The following ZNF417 variants were observed in gnomAD, a reference collection of about 807,000 sequenced individuals.
The protein encoded by ZNF417 is zinc finger protein 417.
Under a neutral mutation model 7.4 loss-of-function variants are expected in ZNF417, and 5 were observed. The observed-to-expected ratio is 0.68, with a 90% CI of 0.35 to 1.43. The LOEUF is 1.43. Ranked by LOEUF, ZNF417 falls within the 40% of genes most tolerant of loss-of-function variation. ZNF417 has a pLI of 0.04. For synonymous variants in ZNF417, 147 were observed against 239.1 expected, an observed-to-expected ratio of 0.61 and a Z score of 3.55; for missense variants, 437 against 697.3, an observed-to-expected ratio of 0.63 and a Z score of 4.20.
At position 57,912,146 on chromosome 19, in the gene ZNF417, T is replaced by C. The variant is rs373903699; in HGVS notation, c.77A>G (p.Gln26Arg). 1.2e-6 allele frequency: 2 copies of C among 1,612,428 alleles called. No individual in the cohort carries two copies. Among genetic ancestry groups the C allele is most frequent in the Non-Finnish European group, 1.7e-6 (2 of 1,179,498 alleles). Residue 26 changes from glutamine (Q) to arginine (R), a missense_variant, in exon 2 of 3, where the codon CAG (glutamine) becomes CGG (arginine). Coordinates refer to ENST00000312026, the MANE Select transcript of ZNF417 (RefSeq NM_152475.3). ...TFEDVAVNFS[Q>R]EEWCLLSEAQ... ...CTCACTAAGAAGACACCACTCCTCCTGGGAAAAGTTCACAGCCACATCTTC... is the reference window on the plus strand; with the variant it reads ...CTCACTAAGAAGACACCACTCCTCCCGGGAAAAGTTCACAGCCACATCTTC...
rs1051438526 is a variant in ZNF417 at position 57,916,517 on chromosome 19, T to C, written c.-106A>G. The C allele has an allele frequency of 3.1e-6, 5 of 1,587,968 alleles. No individual in the cohort carries two copies. The highest frequency in any genetic ancestry group is 3.4e-6 in the Non-Finnish European group (4 of 1,167,656). Reference sequence around the variant, plus strand: ...ATTCCTCTCCACCTTCTAGGTTCAGTCACCGCGGTCCCCCCCCAGCACTCA... The same window carrying C: ...ATTCCTCTCCACCTTCTAGGTTCAGCCACCGCGGTCCCCCCCCAGCACTCA... On this transcript the variant is annotated 5_prime_UTR_variant, in exon 1 of 3. Transcript: ENST00000312026.
intron 1 of ZNF417, among the ~76,000 whole-genome samples, chr19:57,914,765 G>A (rs1193100158): frequency 6.6e-6 from 1 of 152,148 alleles, no homozygotes; most frequent in African/African-American, 2.4e-5. Flanking sequence ...TCACAACCTG[G>A]TAGCAAATCC....
At chr19:57,913,489 C>G (rs1255951116) in intron 1 of ZNF417, among the ~76,000 whole-genome samples, 4 of 152,188 alleles carry the variant, frequency 2.6e-5, no homozygotes, top group African/African-American at 4.8e-5. Flanking sequence ...GTGAACCAAA[C>G]CACATCTACT....
At chr19:57,915,330 G>A (rs2071937974) in intron 1 of ZNF417, 3 of 200,736 alleles carry the variant, frequency 1.5e-5, no homozygotes, top group African/African-American at 2.4e-5. Context: ...GGCTTCTAGC[G>A]TCCTCACCTT....
Position 57,908,941 on chromosome 19 carries a change from T to A in ZNF417, c.1337A>T (p.Asn446Ile), listed in dbSNP as rs762550556. The part of the protein sequence containing the change: ...YNCRECGKLF[N>I]RKYHLLVHER... ...ATGAACGAGAAGATGATACTTCCTGTTAAATAATTTCCCACATTCCCTACA... is the reference window on the plus strand; with the variant it reads ...ATGAACGAGAAGATGATACTTCCTGATAAATAATTTCCCACATTCCCTACA... The change falls in exon 3 of 3, where the codon AAC becomes ATC. Residue 446 changes from asparagine to isoleucine, a missense_variant. By Grantham distance (149) the Asn-to-Ile change is moderately radical. This residue lies in a region of ZNF417 where 233 missense variants were observed against 235.5 expected (regional missense o/e 0.99). Transcript: ENST00000312026. 6.2e-7 allele frequency: 1 copy of A among 1,611,024 alleles called. No individual in the cohort carries two copies. The highest frequency in any genetic ancestry group is 8.5e-7 in the Non-Finnish European group (1 of 1,177,592).
At position 57,908,956 on chromosome 19, in the gene ZNF417, C is replaced by T; in HGVS notation, c.1322G>A (p.Cys441Tyr). Reference sequence around the variant, plus strand: ...ATACTTCCTGTTAAATAATTTCCCACATTCCCTACAATTGTAAGGTCTTTC... The same window carrying T: ...ATACTTCCTGTTAAATAATTTCCCATATTCCCTACAATTGTAAGGTCTTTC... ...TGERPYNCRE[C>Y]GKLFNRKYHL... The change falls in exon 3 of 3, where the codon TGT becomes TAT. Residue 441 changes from cysteine to tyrosine, a missense_variant. Cys to Tyr is a radical substitution (Grantham distance 194). This residue lies in a region of ZNF417 where 233 missense variants were observed against 235.5 expected (regional missense o/e 0.99). Transcript: ENST00000312026. 1 of 1,614,072 alleles carries T rather than the reference C, an allele frequency of 6.2e-7. No individual in the cohort carries two copies. Among genetic ancestry groups the T allele is most frequent in the Non-Finnish European group, 8.5e-7 (1 of 1,179,972 alleles).
intron 1 of ZNF417, among the ~76,000 whole-genome samples, chr19:57,914,279 A>T (rs2071924601): frequency 6.6e-6 from 1 of 151,998 alleles, no homozygotes; most frequent in Non-Finnish European, 1.5e-5. Flanking sequence ...TGAGGTCAGG[A>T]GTTCGAGACC....
At chr19:57,912,312 G>A (rs1301599344) in intron 1 of ZNF417, 123 bp from the exon 2 acceptor site, 1 of 1,507,514 alleles carries the variant, frequency 6.6e-7, no homozygotes, top group Admixed American at 2.2e-5. Flanking sequence ...TTGAAACTAT[G>A]TCCACTAGTG....
chr19:57,911,844 T>A (rs2071901467), intron 2 of ZNF417, among the ~76,000 whole-genome samples: 1 of 152,202 alleles, frequency 6.6e-6, no homozygotes. Context: ...AGGTGCCTAT[T>A]AGACTCCTGA....
In ZNF417 at chr19:57,912,139, C is replaced by A; in HGVS notation, c.84G>T (p.Glu28Asp). ...TCTGAGCCTCACTAAGAAGACACCA[C>A]TCCTCCTGGGAAAAGTTCACAGCCA... Reference protein sequence around the residue: ...EDVAVNFSQEEWCLLSEAQRC... With the variant: ...EDVAVNFSQEDWCLLSEAQRC... The change falls in exon 2 of 3, where the codon GAG (glutamate) becomes GAT (aspartate). Residue 28 changes from glutamate to aspartate, a missense_variant. Glu to Asp is a conservative substitution (Grantham distance 45). This residue lies in a region of ZNF417 where 57 missense variants were observed against 70.7 expected (regional missense o/e 0.81). Transcript: ENST00000312026. 2 of 1,612,878 alleles carry A rather than the reference C, an allele frequency of 1.2e-6. No homozygotes were observed. Among genetic ancestry groups the A allele is most frequent in the Non-Finnish European group, 1.7e-6 (2 of 1,179,586 alleles).
rs1428477096 is a variant in ZNF417, at chr19:57,908,390, T to C, written c.*160A>G. ...CTGCACTCCAGCCTGGGTGACAGAA[T>C]GAGACTCCGTTCCAATGCGAAGTCT... On this transcript the variant is annotated 3_prime_UTR_variant, in exon 3 of 3. Transcript: ENST00000312026. 9 of 1,360,322 alleles carry C rather than the reference T, an allele frequency of 6.6e-6. No homozygotes were observed. Among genetic ancestry groups the C allele is most frequent in the East Asian group, 2.3e-5 (1 of 43,022 alleles). The allele number at this position is 1,360,322 out of a possible 1,614,324, so 84.3% of individuals were successfully genotyped here. A position where few individuals can be genotyped will look rare whatever the true frequency, so the allele number is the denominator to read the frequency against.
chr19:57,906,315 G>T lies in ZNF417; in HGVS notation c.*2235C>A, dbSNP rs1305761884. Among the ~76,000 whole-genome samples the T allele has an allele frequency of 6.6e-6, 1 of 152,270 alleles. No individual in the cohort carries two copies. Among genetic ancestry groups the T allele is most frequent in the East Asian group, 1.9e-4 (1 of 5,190 alleles). On this transcript the variant is annotated 3_prime_UTR_variant, in exon 3 of 3. Coordinates refer to ENST00000312026, the MANE Select transcript of ZNF417 (RefSeq NM_152475.3). ...GTATCACTATTTCATGTATGTGCCT[G>T]TATGTGCTTATATAACATGCTGTAA...
At position 57,912,205 on chromosome 19, in the gene ZNF417, A is replaced by G. The variant is rs752193459; in HGVS notation, c.34-16T>C. The G allele has an allele frequency of 5.6e-6, 9 of 1,612,314 alleles. No homozygotes were observed. The highest frequency in any genetic ancestry group is 1.7e-5 in the Admixed American group (1 of 59,420). On this transcript the variant is annotated splice_polypyrimidine_tract_variant and intron_variant, in intron 1 of 2. Transcript: ENST00000312026. ...CAGTGCCCTGCTATGATAGTGACAG[A>G]TGAAACCACAAACAGCCCCTCTGCT...
In ZNF417 at chr19:57,908,381, G is replaced by T; in HGVS notation, c.*169C>A. ...ATTGCACCACTGCACTCCAGCCTGG[G>T]TGACAGAATGAGACTCCGTTCCAAT... On this transcript the variant is annotated 3_prime_UTR_variant, in exon 3 of 3. Transcript: ENST00000312026. 1 of 1,305,048 alleles carries T rather than the reference G, an allele frequency of 7.7e-7. No homozygotes were observed. Among genetic ancestry groups the T allele is most frequent in the Non-Finnish European group, 1.1e-6 (1 of 945,652 alleles). The allele number at this position is 1,305,048 out of a possible 1,614,324, so 80.8% of individuals were successfully genotyped here.
At chr19:57,910,988 T>C (rs1038194759) in intron 2 of ZNF417, among the ~76,000 whole-genome samples, 2 of 152,184 alleles carry the variant, frequency 1.3e-5, no homozygotes, top group African/African-American at 4.8e-5. Flanking sequence ...GAGGTTGCAA[T>C]GAGCCAAGAT....
chr19:57,916,382 A>G lies in ZNF417; in HGVS notation c.30T>C (p.Thr10=). The G allele has an allele frequency of 6.2e-7, 1 of 1,614,190 alleles. No individual in the cohort carries two copies. Residue 10 remains threonine (T), a synonymous_variant, in exon 1 of 3, where the codon ACT becomes ACC. Transcript: ENST00000312026. ...GCACAGAAGGCGCCACAATTACCTG[A>G]GTCGGGCGCCTCGGCGCAGCCGCTG... MAAAAPRRP[T]QQGTVTFEDV...
chr19:57,912,911 C>A (rs2071912747), intron 1 of ZNF417, among the ~76,000 whole-genome samples: 1 of 151,968 alleles, frequency 6.6e-6, no homozygotes, highest in Non-Finnish European at 1.5e-5. Context: ...TGCACCCAGC[C>A]CCCACAAATA....
rs1227276131 is a variant in ZNF417, at chr19:57,906,050, C to T, written c.*2500G>A. 6.6e-6 allele frequency among the ~76,000 whole-genome samples: 1 copy of T among 152,018 alleles called. No individual in the cohort carries two copies. Among genetic ancestry groups the T allele is most frequent in the Non-Finnish European group, 1.5e-5 (1 of 68,018 alleles). ...GTACCATCTCAGCTGATTGCAACCT[C>T]CATTTCCGAGGAAGGCTCCTTAATT... On this transcript the variant is annotated 3_prime_UTR_variant, in exon 3 of 3. Coordinates refer to ENST00000312026, the MANE Select transcript of ZNF417 (RefSeq NM_152475.3).
chr19:57,913,390 T>C (rs1330037972), intron 1 of ZNF417, among the ~76,000 whole-genome samples: 1 of 152,186 alleles, frequency 6.6e-6, no homozygotes, highest in African/African-American at 2.4e-5. Flanking sequence ...ATGGACCTAT[T>C]TCACTTTTGT....
Sources: allele counts gnomAD v4.1 joint callset (sites outside exome capture counted in the v4.1 genomes callset), GRCh38; gene constraint gnomAD v4.1.1; regional missense constraint gnomAD v4.1.1; transcripts MANE v1.5; gene names NCBI Gene and HGNC (gene_info 2026-07-23, HGNC 2026-07-21).